ASCC1: variants seen among roughly 807,000 people sequenced by gnomAD.
ASCC1 encodes the protein activating signal cointegrator 1 complex subunit 1.
Under a neutral mutation model 46.6 loss-of-function variants are expected in ASCC1, and 35 were observed. The ratio of observed to expected loss-of-function variants is 0.75; its 90% CI spans 0.57 to 0.99. The LOEUF (loss-of-function observed/expected upper bound fraction) is 0.99, where lower values mean the gene tolerates loss of function less well. Among genes scored for constraint, ASCC1 ranks in the 50% least tolerant of loss-of-function variants. The probability of loss-of-function intolerance (pLI) is 0.00; values close to 1 mark genes in which losing one functional copy is unlikely to be tolerated. For synonymous variants in ASCC1, 143 were observed against 146.6 expected (o/e 0.98, Z 0.18); for missense variants, 376 against 428.7 (o/e 0.88, Z 1.09).
chr10:72,130,094 A>G (rs1378960496), intron 8 of ASCC1, among the ~76,000 whole-genome samples: 2 of 152,086 alleles, frequency 1.3e-5, no homozygotes, highest in African/African-American at 2.4e-5. Flanking sequence ...GAAAGCAGCC[A>G]GCCACAAAAG....
Position 72,162,572 on chromosome 10 carries a change from C to T in ASCC1, c.490-898G>A, listed in dbSNP as rs917181406. On this transcript the variant is annotated intron_variant, in intron 5 of 9. Transcript: ENST00000672957. The stretch of plus-strand genomic sequence containing the variant: ...GTAACCTCAAACTCCTGGGCTCAAG[C>T]GATCCTCCTGCCTCAGCCTCCTGCA... Among the ~76,000 whole-genome samples the T allele has an allele frequency of 2.6e-5, 4 of 152,072 alleles. No individual in the cohort carries two copies. In the South Asian group the frequency reaches 8.3e-4, roughly 32 times the overall value.
chr10:72,216,842 A>ATACT (rs1859443543), upstream of ASCC1: 1 of 456,056 alleles, frequency 2.2e-6, no homozygotes, highest in Admixed American at 2.4e-5. Context: ...AAGTCCCAGG[A>ATACT]TACTTCATCA....
intron 7 of ASCC1, among the ~76,000 whole-genome samples, chr10:72,152,271 C>T (rs1246325580): frequency 6.7e-6 from 1 of 149,730 alleles, no homozygotes; most frequent in African/African-American, 2.5e-5. Context: ...TTAAAGCAGT[C>T]CACCCACCTC....
chr10:72,142,280 GA>G (rs575379938), intron 7 of ASCC1, among the ~76,000 whole-genome samples: 482 of 151,670 alleles, frequency 3.2e-3, no homozygotes, highest in Non-Finnish European at 5.7e-3. Context: ...GCATTCCTGA[GA>G]TTAACCAGTT....
At chr10:72,187,701 C>G (rs1243139739) in intron 5 of ASCC1, among the ~76,000 whole-genome samples, 1 of 118,618 alleles carries the variant, frequency 8.4e-6, no homozygotes, top group Non-Finnish European at 1.6e-5. Flanking sequence ...GCCTGGGTGA[C>G]AGAGCGAGAA....
At chr10:72,134,609 A>G (rs2132317024) in intron 7 of ASCC1, 2 of 152,208 alleles carry the variant, frequency 1.3e-5, no homozygotes, top group Non-Finnish European at 2.9e-5. Context: ...TGAATGTATT[A>G]TGTTCTTTGA....
At chr10:72,163,928 A>G (rs1224251497) in intron 5 of ASCC1, among the ~76,000 whole-genome samples, 1 of 152,132 alleles carries the variant, frequency 6.6e-6, no homozygotes, top group Non-Finnish European at 1.5e-5. Flanking sequence ...ATCATCTGAT[A>G]AAAGCATTCC....
chr10:72,139,114 CTTT>C (rs1222967667), intron 7 of ASCC1, among the ~76,000 whole-genome samples: 4 of 130,704 alleles, frequency 3.1e-5, no homozygotes, highest in Non-Finnish European at 1.6e-5. Context: ...TTTTCTTTTT[CTTT>C]TTTTTTTTTT....
intron 5 of ASCC1, among the ~76,000 whole-genome samples, chr10:72,164,036 C>A (rs1020824303): frequency 6.6e-6 from 1 of 152,002 alleles, no homozygotes; most frequent in African/African-American, 2.4e-5. Flanking sequence ...GATCTTGGCT[C>A]GCTACAACTT....
intron 3 of ASCC1, among the ~76,000 whole-genome samples, chr10:72,205,337 AGGTGGCTCAATGCCGGGTGC>A (rs1857048262): frequency 6.6e-6 from 1 of 152,130 alleles, no homozygotes; most frequent in Admixed American, 6.6e-5. Context: ...AAGCCAGGCA[AGGTGGCTCAATGCCGGGTGC>A]GGTGGCTCAC....
At chr10:72,165,193 C>T (rs1402714852) in intron 5 of ASCC1, among the ~76,000 whole-genome samples, 2 of 152,150 alleles carry the variant, frequency 1.3e-5, no homozygotes, top group African/African-American at 4.8e-5. Flanking sequence ...TGGCTCACTG[C>T]AACCTCCGCT....
intron 6 of ASCC1, among the ~76,000 whole-genome samples, chr10:72,154,254 A>G (rs2132585742): frequency 6.6e-6 from 1 of 152,314 alleles, no homozygotes; most frequent in African/African-American, 2.4e-5. Flanking sequence ...AACTCCTGAT[A>G]AAATAATAGA....
chr10:72,149,217 G>T (rs1383285824), intron 7 of ASCC1, among the ~76,000 whole-genome samples: 2 of 151,682 alleles, frequency 1.3e-5, no homozygotes, highest in African/African-American at 2.4e-5. Context: ...GGTGGACAGA[G>T]CACAAGGTCA....
chr10:72,137,867 C>CTT (rs201028015), intron 7 of ASCC1, among the ~76,000 whole-genome samples: 3 of 145,926 alleles, frequency 2.1e-5, no homozygotes, highest in Non-Finnish European at 4.5e-5. Context: ...TCTTCTTCTT[C>CTT]TTTTTTTTTT....
At chr10:72,154,698 C>T (rs1040690370) in intron 6 of ASCC1, among the ~76,000 whole-genome samples, 1 of 151,996 alleles carries the variant, frequency 6.6e-6, no homozygotes, top group Non-Finnish European at 1.5e-5. Flanking sequence ...TGCCATGTTG[C>T]CCAGGCTGGT....
At chr10:72,102,469 CTTTTAT>C in intron 9 of ASCC1, 3 of 1,368,020 alleles carry the variant, frequency 2.2e-6, no homozygotes, top group South Asian at 1.2e-5. Flanking sequence ...AGCGTCCCTC[CTTTTAT>C]TGAGTTGTAG....
At chr10:72,154,374 C>T (rs1029296143) in intron 6 of ASCC1, among the ~76,000 whole-genome samples, 2 of 152,118 alleles carry the variant, frequency 1.3e-5, no homozygotes, top group African/African-American at 4.8e-5. Flanking sequence ...GATGACCACA[C>T]CTGAACCCAC....
chr10:72,133,238 T>C, intron 7 of ASCC1, 57 bp from the exon 8 acceptor site: 1 of 1,576,796 alleles, frequency 6.3e-7, no homozygotes, highest in Non-Finnish European at 8.7e-7. Flanking sequence ...GAACATGCGA[T>C]TACCAATTCA....
At chr10:72,139,275 G>A (rs1378797828) in intron 7 of ASCC1, among the ~76,000 whole-genome samples, 2 of 151,706 alleles carry the variant, frequency 1.3e-5, no homozygotes, top group South Asian at 2.1e-4. Context: ...CACCACGCCC[G>A]GCTAATTTTT....
Sources: gnomAD v4.1 joint callset for allele counts (sites outside exome capture counted in the v4.1 genomes callset) on GRCh38, gnomAD v4.1.1 for gene constraint, MANE v1.5 for transcripts, NCBI Gene and HGNC (gene_info 2026-07-23, HGNC 2026-07-21) for gene names.